PDE1A: variants seen among roughly 807,000 people sequenced by gnomAD.
The protein encoded by PDE1A is phosphodiesterase 1A.
In PDE1A, 35 loss-of-function variants were observed where a neutral mutation model predicts 61.7. The ratio of observed to expected loss-of-function variants is 0.57; its 90% confidence interval spans 0.43 to 0.75. The LOEUF is 0.75. Ranked by LOEUF, PDE1A falls within the 30% of genes least tolerant of loss-of-function variation. The probability of loss-of-function intolerance (pLI) is 0.00; values close to 1 mark genes in which losing one functional copy is unlikely to be tolerated. For missense variants in PDE1A, 597 were observed against 630.6 expected (o/e 0.95, Z 0.57); for synonymous variants, 232 against 213.2 (o/e 1.09, Z -0.77).
At chr2:182,165,950 G>T (rs1691630510), downstream of PDE1A, among the ~76,000 whole-genome samples, 1 of 152,132 alleles carries the variant, frequency 6.6e-6, no homozygotes, top group African/African-American at 2.4e-5. Context: ...GAGATCAGAA[G>T]AGTAAACCAC....
intron 1 of PDE1A, among the ~76,000 whole-genome samples, chr2:182,302,164 C>A (rs12622714): frequency 0.52 from 78,520 of 152,004 alleles, 20,148 homozygotes; most frequent in Admixed American, 0.57. Flanking sequence ...TTAACATTTC[C>A]ATACATGCCA....
At chr2:182,190,109 G>A (rs1226128638) in intron 10 of PDE1A, among the ~76,000 whole-genome samples, 1 of 152,166 alleles carries the variant, frequency 6.6e-6, no homozygotes, top group Non-Finnish European at 1.5e-5. Flanking sequence ...AACTGTTTGA[G>A]AATATCTTCT....
chr2:182,557,637 G>T, the PDE1A span, among the ~76,000 whole-genome samples: 7 of 151,900 alleles, frequency 4.6e-5, no homozygotes, highest in Non-Finnish European at 8.8e-5. Flanking sequence ...GCTTGAACCC[G>T]GGAGGCAAAG....
rs1686621560 is a variant in PDE1A at position 182,201,435 on chromosome 2, GC to G, written c.1125+3del. 5.0e-6 allele frequency: 8 copies of G among 1,613,298 alleles called. No homozygotes were observed. The highest frequency in any genetic ancestry group is 6.8e-6 in the Non-Finnish European group (8 of 1,179,702). ...AACATTTGCACAGAGTGTGAAAGAGGCACCTGCAGGAAAAACTCCTCCATTA... is the reference window on the plus strand; with the variant it reads ...AACATTTGCACAGAGTGTGAAAGAGGACCTGCAGGAAAAACTCCTCCATTA... On this transcript the variant is annotated splice_donor_region_variant and intron_variant, in intron 10 of 13. Transcript: ENST00000351439.
At chr2:182,361,326 C>CA (rs766982886) in intron 1 of PDE1A, among the ~76,000 whole-genome samples, 1 of 151,892 alleles carries the variant, frequency 6.6e-6, no homozygotes, top group African/African-American at 2.4e-5. Context: ...GATTAATAGG[C>CA]AAAAAATGTG....
In PDE1A at chr2:182,330,325, C is replaced by T. The variant is rs147536425; in HGVS notation, c.54-65911G>A. On this transcript the variant is annotated intron_variant, in intron 1 of 13. Transcript: ENST00000351439. ...TGCCATTTCACTCCAGCCTGGGTGA[C>T]AACAGCAAAACTCAGTCTTAAAAAA... Among the ~76,000 whole-genome samples the T allele has an allele frequency of 4.5e-3, 617 of 137,512 alleles. 4 individuals are homozygous for T. The highest frequency in any genetic ancestry group is 0.015 in the African/African-American group (575 of 37,280). 90.2% of individuals were successfully genotyped at this position (137,512 alleles called of 152,430 possible).
At chr2:182,275,458 T>G (rs1212267218) in intron 1 of PDE1A, among the ~76,000 whole-genome samples, 1 of 152,110 alleles carries the variant, frequency 6.6e-6, no homozygotes, top group Non-Finnish European at 1.5e-5. Context: ...CACAGGCTAG[T>G]AGGCCCAGAA....
chr2:182,172,214 C>A (rs1442725476), intron 13 of PDE1A, among the ~76,000 whole-genome samples: 1 of 151,958 alleles, frequency 6.6e-6, no homozygotes, highest in East Asian at 1.9e-4. Context: ...CAGACTTCCA[C>A]AAAGTGGAGC....
intron 1 of PDE1A, among the ~76,000 whole-genome samples, chr2:182,273,219 A>T (rs1052162826): frequency 5.9e-5 from 9 of 152,116 alleles, no homozygotes; most frequent in African/African-American, 2.2e-4. Context: ...TCCCTATTTA[A>T]GTAAAATGTC....
chr2:182,339,276 C>T (rs547649062), intron 1 of PDE1A, among the ~76,000 whole-genome samples: 12 of 151,922 alleles, frequency 7.9e-5, no homozygotes, highest in Non-Finnish European at 1.8e-4. Flanking sequence ...TTTTTTTTAC[C>T]CTACCTCATT....
At chr2:182,334,304 A>G (rs1273857042) in intron 1 of PDE1A, among the ~76,000 whole-genome samples, 1 of 151,676 alleles carries the variant, frequency 6.6e-6, no homozygotes, top group African/African-American at 2.4e-5. Flanking sequence ...ACACACACAC[A>G]CACCAAAAAA....
chr2:182,656,021 G>A, the PDE1A span, among the ~76,000 whole-genome samples: 23,970 of 152,160 alleles, frequency 0.16, 2,527 homozygotes, highest in African/African-American at 0.3. Flanking sequence ...CCCTGTGGTT[G>A]TCCTTCATCA....
At chr2:182,195,362 A>G (rs551400086) in intron 10 of PDE1A, among the ~76,000 whole-genome samples, 130 of 152,138 alleles carry the variant, frequency 8.5e-4, no homozygotes, top group African/African-American at 3.0e-3. Flanking sequence ...CAGGATGGGA[A>G]AAGGTAAGAA....
At chr2:182,190,007 T>C (rs1685555399) in intron 10 of PDE1A, among the ~76,000 whole-genome samples, 1 of 152,226 alleles carries the variant, frequency 6.6e-6, no homozygotes, top group Admixed American at 6.5e-5. Flanking sequence ...TAGGATAAAA[T>C]ACGTAAGGAC....
rs370216113 is a variant in PDE1A, at chr2:182,299,013, T to C, written c.54-34599A>G. Reference sequence around the variant, plus strand: ...CAGAAACAGTAGTAGATTCAAAACCTATTAACTAGGAAAGCTAGGTCCCCT... The same window carrying C: ...CAGAAACAGTAGTAGATTCAAAACCCATTAACTAGGAAAGCTAGGTCCCCT... On this transcript the variant is annotated intron_variant, in intron 1 of 13. Coordinates refer to ENST00000351439, the Ensembl canonical transcript of PDE1A. 4.6e-5 allele frequency among the ~76,000 whole-genome samples: 7 copies of C among 152,178 alleles called. 1 individual carries two copies. The highest frequency in any genetic ancestry group is 2.0e-4 in the Admixed American group (3 of 15,260).
At chr2:182,302,800 T>A (rs1372654829) in intron 1 of PDE1A, among the ~76,000 whole-genome samples, 1 of 152,192 alleles carries the variant, frequency 6.6e-6, no homozygotes, top group South Asian at 2.1e-4. Flanking sequence ...CTAAGTTTTT[T>A]TTTTCTTACC....
At chr2:182,324,464 A>C (rs958115884) in intron 1 of PDE1A, among the ~76,000 whole-genome samples, 1 of 152,306 alleles carries the variant, frequency 6.6e-6, no homozygotes, top group Non-Finnish European at 1.5e-5. Flanking sequence ...ATAGTTACTT[A>C]GTTGTCATAA....
chr2:182,154,639 A>G (rs531070572), intron 13 of PDE1A, among the ~76,000 whole-genome samples: 1 of 152,258 alleles, frequency 6.6e-6, no homozygotes, highest in South Asian at 2.1e-4. Context: ...GCCGCCATGT[A>G]AGCCACACCT....
the PDE1A span, among the ~76,000 whole-genome samples, chr2:182,666,471 G>A: frequency 6.6e-6 from 1 of 151,990 alleles, no homozygotes; most frequent in Non-Finnish European, 1.5e-5. Context: ...AGCCGGGTGT[G>A]GTGGCGCATG....
Sources: allele counts gnomAD v4.1 joint callset (sites outside exome capture counted in the v4.1 genomes callset), GRCh38; gene constraint gnomAD v4.1.1; transcripts MANE v1.5; gene names NCBI Gene and HGNC (gene_info 2026-07-23, HGNC 2026-07-21).